ZNF431: variants seen among roughly 807,000 people sequenced by gnomAD.
ZNF431 encodes zinc finger protein 431.
A neutral mutation model predicts 57.0 loss-of-function variants in ZNF431; 34 were observed. That is an observed-to-expected ratio of 0.60 (90% CI 0.45 to 0.79). ZNF431 has a LOEUF of 0.79. Ranked by LOEUF, ZNF431 falls within the 30% of genes least tolerant of loss-of-function variation. The probability of loss-of-function intolerance (pLI) is 0.00; values close to 1 mark genes in which losing one functional copy is unlikely to be tolerated. For missense variants in ZNF431, 607 were observed against 667.1 expected, an observed-to-expected ratio of 0.91 and a Z score of 0.99; for synonymous variants, 207 against 220.3, an observed-to-expected ratio of 0.94 and a Z score of 0.54.
Position 21,192,539 on chromosome 19 carries a change from A to G in ZNF431, c.*8505A>G, listed in dbSNP as rs1024312643. 1.1e-4 allele frequency: 17 copies of G among 152,094 alleles called. No individual in the cohort carries two copies. The highest frequency in any genetic ancestry group is 3.9e-4 in the African/African-American group (16 of 41,402). The allele number at this position is 152,094 out of a possible 1,614,324, so 9.4% of individuals were successfully genotyped here. On this transcript the variant is annotated 3_prime_UTR_variant, in exon 5 of 5. Transcript: ENST00000311048. Reference sequence around the variant, plus strand: ...CAGATTATGTATAGGGATAAAAGAAAATTATACAGGAATAATTCCTTTTCC... The same window carrying G: ...CAGATTATGTATAGGGATAAAAGAAGATTATACAGGAATAATTCCTTTTCC...
chr19:21,148,016 GAC>G (rs1970152507), intron 2 of ZNF431, among the ~76,000 whole-genome samples: 2 of 147,942 alleles, frequency 1.4e-5, no homozygotes, highest in African/African-American at 5.0e-5. Context: ...TTTTTTTTGA[GAC>G]AGAGTCTCGC....
At chr19:21,178,690 C>T (rs1971125028) in intron 4 of ZNF431, among the ~76,000 whole-genome samples, 1 of 151,960 alleles carries the variant, frequency 6.6e-6, no homozygotes, top group African/African-American at 2.4e-5. Context: ...ACCAGCCTTG[C>T]ATCCTGGGAA....
At chr19:21,162,154 G>A (rs1012810658) in intron 2 of ZNF431, among the ~76,000 whole-genome samples, 6 of 149,564 alleles carry the variant, frequency 4.0e-5, no homozygotes, top group Non-Finnish European at 8.9e-5. Context: ...TTGTGTGTGT[G>A]TGTGTGTGTG....
chr19:21,182,973 A>G lies in ZNF431; in HGVS notation c.670A>G (p.Arg224Gly). 2 of 1,614,146 alleles carry G rather than the reference A, an allele frequency of 1.2e-6. No individual in the cohort carries two copies. Among genetic ancestry groups the G allele is most frequent in the East Asian group, 4.5e-5 (2 of 44,872 alleles). Reference protein sequence around the residue: ...CMLLHLSQHKRIHIRENSYQC... With the variant: ...CMLLHLSQHKGIHIRENSYQC... The stretch of plus-strand genomic sequence containing the variant: ...GCTTTTACACCTAAGTCAACATAAA[A>G]GAATTCATATTAGAGAGAATTCTTA... Residue 224 changes from arginine (R) to glycine (G), a missense_variant, in exon 5 of 5, where the codon AGA becomes GGA. By Grantham distance (125) the Arg-to-Gly change is moderately radical. Coordinates refer to ENST00000311048, the MANE Select transcript of ZNF431 (RefSeq NM_133473.4).
At chr19:21,165,512 T>C (rs1196078550) in intron 2 of ZNF431, among the ~76,000 whole-genome samples, 2 of 152,230 alleles carry the variant, frequency 1.3e-5, no homozygotes. Context: ...TGATGCTGTG[T>C]TCTTCTGTGT....
chr19:21,168,526 A>G (rs1599602115), intron 4 of ZNF431, among the ~76,000 whole-genome samples: 1 of 151,882 alleles, frequency 6.6e-6, no homozygotes, highest in South Asian at 2.1e-4. Flanking sequence ...GCCACCACAC[A>G]TAGCTAATTT....
chr19:21,152,118 G>A (rs918480665), intron 2 of ZNF431, among the ~76,000 whole-genome samples: 1 of 152,178 alleles, frequency 6.6e-6, no homozygotes, highest in Non-Finnish European at 1.5e-5. Flanking sequence ...ATATGAAACT[G>A]GCAAGACTTA....
intron 4 of ZNF431, among the ~76,000 whole-genome samples, chr19:21,179,316 G>T (rs1971145909): frequency 6.6e-6 from 1 of 151,952 alleles, no homozygotes; most frequent in African/African-American, 2.4e-5. Flanking sequence ...ACCAGCTCCT[G>T]GATTCATTGA....
At chr19:21,162,600 C>T (rs1045527789) in intron 2 of ZNF431, 6 of 467,218 alleles carry the variant, frequency 1.3e-5, no homozygotes, top group Middle Eastern at 1.1e-3. Context: ...CCACCACACC[C>T]GACCAGATTC....
intron 2 of ZNF431, among the ~76,000 whole-genome samples, chr19:21,161,583 A>G (rs1425039428): frequency 1.3e-5 from 2 of 152,178 alleles, no homozygotes; most frequent in African/African-American, 4.8e-5. Flanking sequence ...TGAACTGGAA[A>G]TACCCCAGTG....
In ZNF431 at chr19:21,183,055, A is replaced by G. The variant is rs768165135; in HGVS notation, c.752A>G (p.Lys251Arg). Residue 251 changes from lysine (K) to arginine (R), a missense_variant, in exon 5 of 5, where the codon AAG (lysine) becomes AGG (arginine). Coordinates refer to ENST00000311048, the MANE Select transcript of ZNF431 (RefSeq NM_133473.4). ...TGGTTCTCAACCCTTACTAGACACA[A>G]GAGAATTCATACTGGAGAGAAACCC... Reference protein sequence around the residue: ...FKWFSTLTRHKRIHTGEKPFK... With the variant: ...FKWFSTLTRHRRIHTGEKPFK... 1.9e-6 allele frequency: 3 copies of G among 1,614,050 alleles called. No individual in the cohort carries two copies. The highest frequency in any genetic ancestry group is 1.7e-6 in the Non-Finnish European group (2 of 1,179,928).
chr19:21,177,525 G>C (rs757174129), intron 4 of ZNF431, among the ~76,000 whole-genome samples: 1 of 152,120 alleles, frequency 6.6e-6, no homozygotes, highest in Non-Finnish European at 1.5e-5. Flanking sequence ...AGTGGCTCAC[G>C]CCTGTAATCT....
chr19:21,180,003 G>A (rs1971168698), intron 4 of ZNF431, among the ~76,000 whole-genome samples: 1 of 151,760 alleles, frequency 6.6e-6, no homozygotes, highest in African/African-American at 2.4e-5. Flanking sequence ...TTGTAGTTGC[G>A]GGATTTTGAG....
intron 2 of ZNF431, among the ~76,000 whole-genome samples, chr19:21,146,409 GAA>G (rs59050670): frequency 1.5e-3 from 162 of 108,694 alleles, no homozygotes; most frequent in East Asian, 2.1e-3. Flanking sequence ...CACTCTGTCT[GAA>G]AAAAAAAAAA....
intron 4 of ZNF431, chr19:21,170,014 G>C (rs1373570707): frequency 2.5e-6 from 1 of 394,734 alleles, no homozygotes; most frequent in Non-Finnish European, 4.5e-6. Flanking sequence ...TTCTCTGTTG[G>C]ACCAAGTTGG....
In ZNF431 at chr19:21,145,255, C is replaced by G. The variant is rs1445745467; in HGVS notation, c.96+1612C>G. Among the ~76,000 whole-genome samples the G allele has an allele frequency of 2.0e-5, 3 of 152,244 alleles. No individual in the cohort carries two copies. In the East Asian group the frequency reaches 5.8e-4, roughly 29 times the overall value. On this transcript the variant is annotated intron_variant, in intron 2 of 4. Transcript: ENST00000311048. ...CTTTGGGAGGCCAAGGTGGGTGGAT[C>G]ACGAGGTCAGGAGATCGAGACCATC... is the stretch of plus-strand genomic sequence containing the variant.
intron 3 of ZNF431, 33 bp downstream of exon 3, chr19:21,166,494 T>A: frequency 6.4e-7 from 1 of 1,562,794 alleles, no homozygotes; most frequent in South Asian, 1.2e-5. Context: ...ATTCTTAATA[T>A]GCCCTAAATG....
chr19:21,142,207 A>G (rs373565853), intron 1 of ZNF431, 21 bp downstream of exon 1: 97 of 1,612,916 alleles, frequency 6.0e-5, no homozygotes, highest in Non-Finnish European at 7.3e-5. Context: ...CGGGTCGGAC[A>G]TCCCGAGAGA....
chr19:21,179,583 C>T (rs1380700407), intron 4 of ZNF431, among the ~76,000 whole-genome samples: 7 of 142,040 alleles, frequency 4.9e-5, no homozygotes, highest in African/African-American at 1.0e-4. Context: ...TTTTTTGAGA[C>T]GGAGTCTCGC....
Sources: allele counts gnomAD v4.1 joint callset (sites outside exome capture counted in the v4.1 genomes callset), GRCh38; gene constraint gnomAD v4.1.1; transcripts MANE v1.5; gene names NCBI Gene and HGNC (gene_info 2026-07-23, HGNC 2026-07-21).